Variants in RAB3GAP2 observed in about 807,000 individuals in gnomAD.
RAB3GAP2 encodes the protein rab3 GTPase-activating protein non-catalytic subunit.
In RAB3GAP2, 87 loss-of-function variants were observed where a neutral mutation model predicts 185.3. The observed-to-expected ratio is 0.47, with a 90% CI of 0.39 to 0.56. The LOEUF (loss-of-function observed/expected upper bound fraction) is 0.56. RAB3GAP2 is among the 20% of genes least tolerant of loss of function. The pLI is 0.00. For synonymous variants in RAB3GAP2, 554 were observed against 576.1 expected (o/e 0.96, Z 0.55); for missense variants, 1,492 against 1,638.2 (o/e 0.91, Z 1.54).
intron 1 of RAB3GAP2, among the ~76,000 whole-genome samples, chr1:220,250,710 G>T (rs79808147): frequency 6.6e-6 from 1 of 152,236 alleles, no homozygotes; most frequent in East Asian, 1.9e-4. Context: ...GAATCATGGG[G>T]GTGGTTCATG....
intron 1 of RAB3GAP2, among the ~76,000 whole-genome samples, chr1:220,261,417 T>C (rs1403014248): frequency 6.6e-6 from 1 of 152,170 alleles, no homozygotes; most frequent in South Asian, 2.1e-4. Context: ...ATGAAAACCA[T>C]GCTAAGGAAA....
intron 1 of RAB3GAP2, chr1:220,266,812 G>GT: frequency 6.3e-7 from 1 of 1,595,806 alleles, no homozygotes; most frequent in Non-Finnish European, 8.6e-7. Context: ...GCCTCTGGCT[G>GT]GGAACATGCT....
intron 9 of RAB3GAP2, 31 bp from the exon 10 acceptor site, chr1:220,196,429 A>C: frequency 1.3e-6 from 2 of 1,553,684 alleles, no homozygotes; most frequent in Non-Finnish European, 1.8e-6. Flanking sequence ...ATTTGAATGT[A>C]CAATGTTATT....
At chr1:220,160,390 A>G (rs1159142986) in intron 28 of RAB3GAP2, among the ~76,000 whole-genome samples, 1 of 152,234 alleles carries the variant, frequency 6.6e-6, no homozygotes, top group Non-Finnish European at 1.5e-5. Flanking sequence ...CCCAGTCCCA[A>G]GATATTTTGT....
intron 1 of RAB3GAP2, among the ~76,000 whole-genome samples, chr1:220,258,415 G>A (rs1343565159): frequency 6.6e-6 from 1 of 152,178 alleles, no homozygotes; most frequent in Non-Finnish European, 1.5e-5. Context: ...TCCCCAGGAT[G>A]CAAGGTTGGT....
rs1328864307 is a variant in RAB3GAP2, at chr1:220,190,470, T to C, written c.1538A>G (p.Gln513Arg). Residue 513 changes from glutamine (Q) to arginine (R), a missense_variant, in exon 15 of 35, where the codon CAG becomes CGG. By Grantham distance (43) the Gln-to-Arg change is conservative. Transcript: ENST00000358951. ...KIMGLNNVTS[Q>R]SWQPQTYQIC... ...CTGATAAGTCTGTGGCTGCCAACTC[T>C]GACTGGTAACATTATTTAAACCCAT... 1.2e-6 allele frequency: 2 copies of C among 1,610,016 alleles called. No homozygotes were observed. The highest frequency in any genetic ancestry group is 1.3e-5 in the African/African-American group (1 of 74,944).
chr1:220,155,906 CTT>C (rs1657847365), intron 31 of RAB3GAP2, among the ~76,000 whole-genome samples: 2 of 151,558 alleles, frequency 1.3e-5, no homozygotes, highest in African/African-American at 2.4e-5. Flanking sequence ...TTTAAGTACT[CTT>C]ATCGCTTATA....
chr1:220,229,788 C>T (rs926244907), intron 2 of RAB3GAP2, among the ~76,000 whole-genome samples: 2 of 152,140 alleles, frequency 1.3e-5, no homozygotes, highest in Admixed American at 1.3e-4. Context: ...CACACTGGAA[C>T]CTCTTCTGAA....
chr1:220,182,069 A>G (rs1037091412), intron 21 of RAB3GAP2, among the ~76,000 whole-genome samples, 188 bp downstream of exon 21: 4 of 131,166 alleles, frequency 3.0e-5, no homozygotes, highest in African/African-American at 1.3e-4. Context: ...ATTACAGGGT[A>G]TAAGAAAAAT....
intron 34 of RAB3GAP2, 56 bp from the exon 35 acceptor site, chr1:220,151,462 T>A (rs1657752436): frequency 6.2e-7 from 1 of 1,609,002 alleles, no homozygotes; most frequent in Non-Finnish European, 8.5e-7. Context: ...TAATTGTTAT[T>A]GACTTAAGAG....
chr1:220,244,821 A>T (rs1001698235), intron 1 of RAB3GAP2, among the ~76,000 whole-genome samples: 6 of 152,174 alleles, frequency 3.9e-5, no homozygotes, highest in Non-Finnish European at 8.8e-5. Context: ...TAAAAAATCA[A>T]CTCAAGATAG....
At chr1:220,214,462 G>T (rs1038745168) in intron 2 of RAB3GAP2, among the ~76,000 whole-genome samples, 2 of 151,906 alleles carry the variant, frequency 1.3e-5, no homozygotes, top group East Asian at 3.9e-4. Flanking sequence ...GGAGGTAGAG[G>T]TTACAGTGAG....
At chr1:220,251,907 C>T (rs771827558) in intron 1 of RAB3GAP2, among the ~76,000 whole-genome samples, 13 of 151,996 alleles carry the variant, frequency 8.6e-5, no homozygotes, top group Non-Finnish European at 1.2e-4. Context: ...AATCCCAGCA[C>T]GGAAAGCCGA....
chr1:220,245,637 C>A (rs559056029), intron 1 of RAB3GAP2, among the ~76,000 whole-genome samples: 2 of 151,752 alleles, frequency 1.3e-5, no homozygotes, highest in African/African-American at 4.8e-5. Flanking sequence ...ACAAAGCAGC[C>A]GGGAAGCCCC....
chr1:220,161,826 C>A (rs988783286), intron 28 of RAB3GAP2, among the ~76,000 whole-genome samples: 1 of 152,150 alleles, frequency 6.6e-6, no homozygotes, highest in Non-Finnish European at 1.5e-5. Context: ...GAGGTTTACA[C>A]AAGAAAACCA....
chr1:220,236,891 G>T (rs1571921303), intron 1 of RAB3GAP2, among the ~76,000 whole-genome samples: 1 of 152,234 alleles, frequency 6.6e-6, no homozygotes, highest in African/African-American at 2.4e-5. Context: ...TGAGAACTAT[G>T]TACTGTTTTA....
intron 9 of RAB3GAP2, 59 bp downstream of exon 9, chr1:220,202,217 T>C: frequency 6.5e-7 from 1 of 1,547,024 alleles, no homozygotes; most frequent in Non-Finnish European, 8.8e-7. Context: ...ATAAATGAGA[T>C]ACTTCAATAA....
At chr1:220,272,105 GA>G in intron 1 of RAB3GAP2, 117 bp downstream of exon 1, 1 of 862,562 alleles carries the variant, frequency 1.2e-6, no homozygotes, top group Non-Finnish European at 1.9e-6. Context: ...GAGGCACGGG[GA>G]GAACTGGGGG....
At position 220,148,954 on chromosome 1, in the gene RAB3GAP2, T is replaced by TTGTG. The variant is rs1657686781; in HGVS notation, c.*2293_*2296dup. 6.6e-6 allele frequency: 1 copy of TTGTG among 152,144 alleles called. No homozygotes were observed. Among genetic ancestry groups the TTGTG allele is most frequent in the Admixed American group, 6.6e-5 (1 of 15,266 alleles). The allele number at this position is 152,144 out of a possible 1,614,324, so 9.4% of individuals were successfully genotyped here. The stretch of plus-strand genomic sequence containing the variant: ...ATTTAATGTTTGTTAATGAAGAAAG[T>TTGTG]TGTGTGAGGGTGGGCATATATCTAG... On this transcript the variant is annotated 3_prime_UTR_variant, in exon 35 of 35. Coordinates refer to ENST00000358951, the MANE Select transcript of RAB3GAP2 (RefSeq NM_012414.4).
Sources: gnomAD v4.1 joint callset for allele counts (sites outside exome capture counted in the v4.1 genomes callset) on GRCh38, gnomAD v4.1.1 for gene constraint, MANE v1.5 for transcripts, NCBI Gene and HGNC (gene_info 2026-07-23, HGNC 2026-07-21) for gene names.